RTTN: variants seen among roughly 807,000 people sequenced by gnomAD.
RTTN encodes rotatin.
In RTTN, 182 loss-of-function variants were observed where a neutral mutation model predicts 269.2. That is an observed-to-expected ratio of 0.68 (90% CI 0.60 to 0.76). The LOEUF (loss-of-function observed/expected upper bound fraction) is 0.76, where lower values mean the gene tolerates loss of function less well. Among genes scored for constraint, RTTN ranks in the 30% least tolerant of loss-of-function variants. RTTN has a pLI of 0.00. For missense variants in RTTN, 2,545 were observed against 2,608.6 expected (o/e 0.98, Z 0.53); for synonymous variants, 1,006 against 963.5 (o/e 1.04, Z -0.82).
intron 25 of RTTN, among the ~76,000 whole-genome samples, chr18:70,125,805 A>G (rs961025300): frequency 6.6e-5 from 10 of 152,002 alleles, no homozygotes; most frequent in Admixed American, 5.9e-4. Flanking sequence ...CATTAAACTG[A>G]ATGAAAGCAA....
At chr18:70,015,825 C>T (rs538602820) in intron 46 of RTTN, among the ~76,000 whole-genome samples, 10 of 26,674 alleles carry the variant, frequency 3.7e-4, no homozygotes, top group Non-Finnish European at 2.0e-3. Flanking sequence ...GAGTAAGTAG[C>T]CCTCAAAGAA....
Position 70,014,567 on chromosome 18 carries a change from T to C in RTTN, c.6421+2840A>G, listed in dbSNP as rs2056484009. Among the ~76,000 whole-genome samples the C allele has an allele frequency of 2.6e-5, 4 of 152,346 alleles. No homozygotes were observed. The South Asian group carries it at 8.3e-4, about 32-fold the overall frequency. On this transcript the variant is annotated intron_variant, in intron 46 of 48. Coordinates refer to ENST00000640769, the MANE Select transcript of RTTN (RefSeq NM_173630.4). ...CCAAGGCAGTTTGCTTTCTGCTAAG[T>C]ACCCACAGGCACCATCAATCGAAGA...
intron 27 of RTTN, among the ~76,000 whole-genome samples, chr18:70,113,966 T>C (rs914474948): frequency 2.0e-5 from 3 of 152,138 alleles, no homozygotes; most frequent in African/African-American, 7.2e-5. Context: ...AATTAGGTAG[T>C]GGTGACAGTT....
chr18:70,006,544 C>A, intron 46 of RTTN, 60 bp from the exon 47 acceptor site: 2 of 1,276,198 alleles, frequency 1.6e-6, no homozygotes, highest in Middle Eastern at 1.9e-4. Flanking sequence ...GTATTCTTAT[C>A]TTGGACTAGT....
intron 46 of RTTN, among the ~76,000 whole-genome samples, chr18:70,014,425 T>A (rs2056480510): frequency 6.6e-6 from 1 of 152,260 alleles, no homozygotes; most frequent in African/African-American, 2.4e-5. Context: ...TCTTACTACA[T>A]GTTGCCATGT....
intron 14 of RTTN, among the ~76,000 whole-genome samples, chr18:70,153,697 T>C (rs182457245): frequency 1.8e-3 from 269 of 152,288 alleles, no homozygotes; most frequent in African/African-American, 6.3e-3. Flanking sequence ...ACTGGAATAA[T>C]ATCATCTGAC....
chr18:70,188,940 T>C (rs375345417), intron 9 of RTTN, among the ~76,000 whole-genome samples: 5 of 152,168 alleles, frequency 3.3e-5, no homozygotes, highest in Admixed American at 2.0e-4. Flanking sequence ...CTAGATTAAT[T>C]TTTTCACTAG....
At chr18:70,114,378 T>C in intron 27 of RTTN, 67 bp downstream of exon 27, 1 of 1,437,574 alleles carries the variant, frequency 7.0e-7, no homozygotes, top group Non-Finnish European at 9.5e-7. Context: ...AAAGTAAAAC[T>C]TTGAAAATCA....
rs185609799 is a variant in RTTN, at chr18:70,012,770, C to T, written c.6421+4637G>A. Among the ~76,000 whole-genome samples the T allele has an allele frequency of 1.8e-3, 281 of 152,158 alleles. 1 individual carries two copies. The highest frequency in any genetic ancestry group is 7.4e-4 in the Non-Finnish European group (50 of 67,998). Reference sequence around the variant, plus strand: ...CTCACTGGTATTAGTTACAGGGCAACGTCTGCTCACTGGTATTAGTTAGAT... The same window carrying T: ...CTCACTGGTATTAGTTACAGGGCAATGTCTGCTCACTGGTATTAGTTAGAT... On this transcript the variant is annotated intron_variant, in intron 46 of 48. Transcript: ENST00000640769.
chr18:70,127,419 CTCTTA>C, intron 25 of RTTN, 78 bp downstream of exon 25: 1 of 1,494,510 alleles, frequency 6.7e-7, no homozygotes, highest in Admixed American at 2.0e-5. Flanking sequence ...AGGGCATAGA[CTCTTA>C]TCTTCAAAGG....
chr18:70,024,946 A>G, intron 43 of RTTN, 98 bp from the exon 44 acceptor site: 1 of 1,360,654 alleles, frequency 7.3e-7, no homozygotes, highest in Non-Finnish European at 1.0e-6. Flanking sequence ...ATAAGACCCA[A>G]GGAGAACCCT....
At position 70,188,333 on chromosome 18, in the gene RTTN, CTCT is replaced by C. The variant is rs1599999615; in HGVS notation, c.1190-113_1190-111del. 5 of 636,000 alleles carry C rather than the reference CTCT, an allele frequency of 7.9e-6. No homozygotes were observed. The East Asian group carries it at 1.4e-4, about 17-fold the overall frequency. 39.4% of individuals were successfully genotyped at this position (636,000 alleles called of 1,614,324 possible). On this transcript the variant is annotated intron_variant, in intron 9 of 48. Transcript: ENST00000640769. ...CTAGTTAGTCATGCTCCAACATTTT[CTCT>C]TTTTTTCTAATGTTCTTAGAACTGT...
intron 28 of RTTN, among the ~76,000 whole-genome samples, chr18:70,103,283 C>T (rs868238271): frequency 4.0e-5 from 6 of 151,764 alleles, no homozygotes; most frequent in South Asian, 2.1e-4. Context: ...CGAGAACGGG[C>T]CATGATGACT....
intron 32 of RTTN, among the ~76,000 whole-genome samples, chr18:70,080,101 T>C (rs1017139570): frequency 9.0e-6 from 1 of 111,522 alleles, no homozygotes; most frequent in Non-Finnish European, 1.9e-5. Context: ...GAAATACTCA[T>C]GATGCTTCAT....
chr18:70,086,683 G>T lies in RTTN; in HGVS notation c.4304C>A (p.Ala1435Glu). Residue 1435 changes from alanine to glutamate, a missense_variant and splice_region_variant, in exon 32 of 49, where the codon GCG becomes GAG. Ala to Glu is a moderately radical substitution (Grantham distance 107). Coordinates refer to ENST00000640769, the MANE Select transcript of RTTN (RefSeq NM_173630.4). ...QSECSMVRRE[A>E]AFILQNLLVI... Reference sequence around the variant, plus strand: ...AAGGAGATTCTGAAGAATAAATGCCGCCTGAAAATGTAAAAAAAAAAAAAA... The same window carrying T: ...AAGGAGATTCTGAAGAATAAATGCCTCCTGAAAATGTAAAAAAAAAAAAAA... 3 of 373,930 alleles carry T rather than the reference G, an allele frequency of 8.0e-6. No individual in the cohort carries two copies. Among genetic ancestry groups the T allele is most frequent in the Non-Finnish European group, 1.4e-5 (3 of 222,194 alleles). 23.2% of individuals were successfully genotyped at this position (373,930 alleles called of 1,614,324 possible). A position where few individuals can be genotyped will look rare whatever the true frequency, so the allele number is the denominator to read the frequency against.
At chr18:70,201,703 G>A (rs2061957285) in intron 4 of RTTN, among the ~76,000 whole-genome samples, 191 bp downstream of exon 4, 1 of 149,356 alleles carries the variant, frequency 6.7e-6, no homozygotes, top group South Asian at 2.1e-4. Flanking sequence ...TTCAAATATG[G>A]TTAGAATAAC....
chr18:70,159,603 A>C (rs866563342), intron 14 of RTTN, among the ~76,000 whole-genome samples: 4 of 152,164 alleles, frequency 2.6e-5, no homozygotes, highest in Non-Finnish European at 5.9e-5. Context: ...AATGAAACTG[A>C]GACACAAAAA....
intron 14 of RTTN, among the ~76,000 whole-genome samples, chr18:70,160,301 T>C (rs2145862114): frequency 6.6e-6 from 1 of 152,050 alleles, no homozygotes; most frequent in Non-Finnish European, 1.5e-5. Context: ...ATAAATGTGA[T>C]TCATCACATA....
At chr18:70,115,393 AAT>A (rs1253499909) in intron 26 of RTTN, among the ~76,000 whole-genome samples, 1 of 151,946 alleles carries the variant, frequency 6.6e-6, no homozygotes, top group Non-Finnish European at 1.5e-5. Flanking sequence ...CTAAAAAAAA[AAT>A]AGATAAAGGA....
Sources: gnomAD v4.1 joint callset for allele counts (sites outside exome capture counted in the v4.1 genomes callset) on GRCh38, gnomAD v4.1.1 for gene constraint, MANE v1.5 for transcripts, NCBI Gene and HGNC (gene_info 2026-07-23, HGNC 2026-07-21) for gene names.